Variants in AFF3 observed in about 807,000 individuals in gnomAD.
AFF3 encodes AF4/FMR2 family member 3.
AFF3 carries 32 observed loss-of-function variants against 129.7 expected under a neutral mutation model. The observed-to-expected ratio is 0.25, with a 90% CI of 0.19 to 0.33. The LOEUF (loss-of-function observed/expected upper bound fraction) is 0.33, where lower values mean the gene tolerates loss of function less well. Ranked by LOEUF, AFF3 falls within the 10% of genes least tolerant of loss-of-function variation. The pLI, the probability that AFF3 is intolerant of heterozygous loss-of-function variation, is 1.00. For missense variants in AFF3, 1,373 were observed against 1,592.0 expected (o/e 0.86, Z 2.34); for synonymous variants, 644 against 635.4 (o/e 1.01, Z -0.20).
At chr2:99,761,932 C>G (rs1682633499) in intron 8 of AFF3, among the ~76,000 whole-genome samples, 1 of 152,118 alleles carries the variant, frequency 6.6e-6, no homozygotes. Context: ...TATACACTGT[C>G]TTCCCCAAGC....
rs199730644 is a variant in AFF3 at position 100,006,698 on chromosome 2, G to A, written c.807C>T (p.Ala269=). 7.4e-6 allele frequency: 12 copies of A among 1,613,804 alleles called. No homozygotes were observed. Among genetic ancestry groups the A allele is most frequent in the Non-Finnish European group, 9.3e-6 (11 of 1,179,784 alleles). The change falls in exon 7 of 25, where the codon GCC becomes GCT. Residue 269 remains alanine (A), a synonymous_variant. Coordinates refer to ENST00000672756, the MANE Select transcript of AFF3 (RefSeq NM_001386135.1). ...VHCTSYRGVP[A]SKPEPARAKA... ...TGGCTCTGGCAGGCTCCGGCTTGCT[G>A]GCAGGGACTCCCCTGTATGATGTGC...
chr2:99,956,676 C>T (rs576205636), intron 7 of AFF3, among the ~76,000 whole-genome samples: 122 of 152,256 alleles, frequency 8.0e-4, no homozygotes, highest in African/African-American at 2.8e-3. Context: ...TAAAGAAATT[C>T]CAGAGACATG....
intron 8 of AFF3, among the ~76,000 whole-genome samples, chr2:99,824,577 G>C (rs192955110): frequency 6.6e-6 from 1 of 152,158 alleles, no homozygotes; most frequent in African/African-American, 2.4e-5. Flanking sequence ...AGGAATCCAG[G>C]GGAGAGAGAA....
intron 13 of AFF3, among the ~76,000 whole-genome samples, chr2:99,639,665 T>C (rs12994197): frequency 0.011 from 1,650 of 150,902 alleles, 22 homozygotes; most frequent in Non-Finnish European, 0.016. Context: ...AGGGTGACTT[T>C]TTTATGTATT....
chr2:100,064,554 A>G (rs2105258167), intron 4 of AFF3, among the ~76,000 whole-genome samples: 1 of 152,366 alleles, frequency 6.6e-6, no homozygotes, highest in African/African-American at 2.4e-5. Context: ...CCAATGTAGG[A>G]AGAAAGAGAG....
intron 14 of AFF3, 24 bp from the exon 15 acceptor site, chr2:99,594,313 A>G (rs1025622807): frequency 1.9e-6 from 3 of 1,581,222 alleles, no homozygotes; most frequent in African/African-American, 1.3e-5. Context: ...ACCGGTGACA[A>G]ACAAAACATC....
chr2:99,645,512 C>T (rs2105549207), intron 13 of AFF3, among the ~76,000 whole-genome samples: 1 of 152,276 alleles, frequency 6.6e-6, no homozygotes, highest in African/African-American at 2.4e-5. Flanking sequence ...ACAGACAACA[C>T]ACCATCCCAC....
chr2:99,875,231 G>A (rs1289937658), intron 7 of AFF3, among the ~76,000 whole-genome samples: 2 of 152,008 alleles, frequency 1.3e-5, no homozygotes, highest in African/African-American at 4.8e-5. Flanking sequence ...ACCCTCAAGT[G>A]GGCCCCGATC....
intron 8 of AFF3, among the ~76,000 whole-genome samples, chr2:99,797,352 C>T (rs1428948608): frequency 6.6e-6 from 1 of 151,810 alleles, no homozygotes; most frequent in Admixed American, 6.6e-5. Flanking sequence ...TAAAAGAAAA[C>T]ATTAGTGAGC....
At chr2:99,695,346 G>C (rs548067171) in intron 11 of AFF3, among the ~76,000 whole-genome samples, 18 of 152,236 alleles carry the variant, frequency 1.2e-4, no homozygotes, top group Middle Eastern at 3.4e-3. Context: ...AGTCTCCCAG[G>C]GTGGGACCCT....
chr2:99,777,736 T>C (rs772288914), intron 8 of AFF3, among the ~76,000 whole-genome samples: 1 of 151,950 alleles, frequency 6.6e-6, no homozygotes, highest in Non-Finnish European at 1.5e-5. Context: ...TCTATGAAAA[T>C]GCTCTGAAGT....
chr2:99,597,473 T>A (rs1011322574), intron 14 of AFF3, among the ~76,000 whole-genome samples: 5 of 152,230 alleles, frequency 3.3e-5, no homozygotes, highest in Admixed American at 2.0e-4. Flanking sequence ...TTCTTTAGTA[T>A]CCCTTGCAGC....
chr2:99,559,478 CTA>C (rs1432637121), intron 21 of AFF3, among the ~76,000 whole-genome samples: 1 of 152,206 alleles, frequency 6.6e-6, no homozygotes, highest in East Asian at 1.9e-4. Flanking sequence ...AACAAAAACA[CTA>C]TGCTGGGAAT....
chr2:99,881,049 A>G (rs190109154), intron 7 of AFF3, among the ~76,000 whole-genome samples: 1 of 152,294 alleles, frequency 6.6e-6, no homozygotes, highest in East Asian at 1.9e-4. Flanking sequence ...AAACTGAGCT[A>G]ATTTGTGTAC....
At chr2:99,742,594 G>A (rs1004906271) in intron 10 of AFF3, among the ~76,000 whole-genome samples, 7 of 152,150 alleles carry the variant, frequency 4.6e-5, no homozygotes, top group African/African-American at 1.4e-4. Context: ...TCAATCTCAC[G>A]GTGAAGTGAT....
At chr2:100,138,342 T>C (rs2105610370) in intron 1 of AFF3, among the ~76,000 whole-genome samples, 1 of 152,340 alleles carries the variant, frequency 6.6e-6, no homozygotes, top group African/African-American at 2.4e-5. Flanking sequence ...ATTGAGGTCA[T>C]ATCTGTCACT....
Position 99,756,659 on chromosome 2 carries a change from G to A in AFF3, c.922-4358C>T, listed in dbSNP as rs1276080804. ...CCCCCAAGACTGACAAATGATCTCAGGCCTCAGCCCTTCCTGACACTGTAT... is the reference window on the plus strand; with the variant it reads ...CCCCCAAGACTGACAAATGATCTCAAGCCTCAGCCCTTCCTGACACTGTAT... On this transcript the variant is annotated intron_variant, in intron 8 of 24. Transcript: ENST00000672756. Among the ~76,000 whole-genome samples, 5 of 152,022 alleles carry A rather than the reference G, an allele frequency of 3.3e-5. No individual in the cohort carries two copies. The East Asian group carries it at 7.7e-4, about 23-fold the overall frequency.
At chr2:99,672,399 A>T in intron 12 of AFF3, 139 bp downstream of exon 12, 1 of 722,112 alleles carries the variant, frequency 1.4e-6, no homozygotes, top group Non-Finnish European at 2.4e-6. Context: ...ACCCAACTGC[A>T]TAGAAGCTCA....
At chr2:99,717,302 C>G (rs1403183571) in intron 11 of AFF3, among the ~76,000 whole-genome samples, 1 of 152,150 alleles carries the variant, frequency 6.6e-6, no homozygotes, top group African/African-American at 2.4e-5. Context: ...AAGAAACAAA[C>G]AGTTTTCAAA....
Sources: gnomAD v4.1 joint callset for allele counts (sites outside exome capture counted in the v4.1 genomes callset) on GRCh38, gnomAD v4.1.1 for gene constraint, MANE v1.5 for transcripts, NCBI Gene and HGNC (gene_info 2026-07-23, HGNC 2026-07-21) for gene names.